The following HPSE2 variants were observed in gnomAD, a reference collection of about 807,000 sequenced individuals.
HPSE2 encodes the protein heparanase 2 (inactive).
HPSE2 carries 38 observed loss-of-function variants against 60.5 expected under a neutral mutation model. That is an observed-to-expected ratio of 0.63 (90% CI 0.48 to 0.82). The LOEUF is 0.82. HPSE2 is among the 40% of genes least tolerant of loss of function. The pLI is 0.00. For synonymous variants in HPSE2, 295 were observed against 293.2 expected (o/e 1.01, Z -0.06); for missense variants, 713 against 740.4 (o/e 0.96, Z 0.43).
intron 9 of HPSE2, among the ~76,000 whole-genome samples, chr10:98,503,467 A>C (rs1325492733): frequency 6.6e-6 from 1 of 152,192 alleles, no homozygotes; most frequent in Non-Finnish European, 1.5e-5. Flanking sequence ...GATTCTGTAA[A>C]GAACTAAAAG....
At chr10:99,301,446 T>C in the HPSE2 span, among the ~76,000 whole-genome samples, 1 of 152,208 alleles carries the variant, frequency 6.6e-6, no homozygotes. Context: ...GGGTATGTGC[T>C]TACTCCTGGG....
At chr10:99,221,790 C>T (rs7094333) in intron 2 of HPSE2, among the ~76,000 whole-genome samples, 139,542 of 152,160 alleles carry the variant, frequency 0.92, 64,232 homozygotes, top group East Asian at 1. Flanking sequence ...TAGGTTCCTA[C>T]AGGGAGGCGG....
At chr10:98,572,866 C>T (rs920127093) in intron 9 of HPSE2, among the ~76,000 whole-genome samples, 3 of 152,188 alleles carry the variant, frequency 2.0e-5, no homozygotes, top group African/African-American at 7.2e-5. Flanking sequence ...GTGGAGGGTT[C>T]TAAGAGAGTA....
intron 4 of HPSE2, among the ~76,000 whole-genome samples, chr10:98,731,643 C>CTGCTTATTTTTTGTATTTTTTTG (rs1949230778): frequency 6.6e-6 from 1 of 152,088 alleles, no homozygotes; most frequent in African/African-American, 2.4e-5. Context: ...TAAAGCGTAT[C>CTGCTTATTTTTTGTATTTTTTTG]TAAGAAAAAC....
intron 3 of HPSE2, among the ~76,000 whole-genome samples, chr10:98,759,928 A>G (rs1949967970): frequency 6.6e-6 from 1 of 151,970 alleles, no homozygotes; most frequent in Admixed American, 6.6e-5. Context: ...AAACATGGGT[A>G]TCTTCCCATT....
the HPSE2 span, among the ~76,000 whole-genome samples, chr10:99,312,356 T>C: frequency 6.6e-6 from 1 of 152,228 alleles, no homozygotes; most frequent in Non-Finnish European, 1.5e-5. Flanking sequence ...GACTCTCTTG[T>C]TAAGGGTTAA....
chr10:98,925,928 GT>G (rs889952555), intron 3 of HPSE2, among the ~76,000 whole-genome samples: 13 of 152,060 alleles, frequency 8.5e-5, no homozygotes, highest in African/African-American at 3.1e-4. Flanking sequence ...CCATCATGTT[GT>G]TCCTTGGGTT....
At chr10:99,028,908 G>A (rs1957437351) in intron 3 of HPSE2, among the ~76,000 whole-genome samples, 2 of 152,130 alleles carry the variant, frequency 1.3e-5, no homozygotes, top group Admixed American at 6.6e-5. Flanking sequence ...TCAATAAATG[G>A]TGCTGAGAAA....
At chr10:99,093,813 GA>G (rs1184299307) in intron 3 of HPSE2, among the ~76,000 whole-genome samples, 1 of 152,090 alleles carries the variant, frequency 6.6e-6, no homozygotes, top group African/African-American at 2.4e-5. Flanking sequence ...GGCATGTAGA[GA>G]AAAAAACTGC....
intron 3 of HPSE2, among the ~76,000 whole-genome samples, chr10:98,813,359 G>T (rs1341711258): frequency 1.3e-5 from 2 of 152,116 alleles, no homozygotes; most frequent in African/African-American, 4.8e-5. Flanking sequence ...AGGTAAGAAG[G>T]AGGATGTCTC....
At chr10:98,839,849 T>C (rs1218982814) in intron 3 of HPSE2, among the ~76,000 whole-genome samples, 1 of 152,006 alleles carries the variant, frequency 6.6e-6, no homozygotes, top group African/African-American at 2.4e-5. Flanking sequence ...TAGATTCAAA[T>C]GGAGGAGAGA....
rs775750488 is a variant in HPSE2 at position 98,496,440 on chromosome 10, G to C, written c.1321-6244C>G. On this transcript the variant is annotated intron_variant, in intron 9 of 11. Transcript: ENST00000370552. ...TTGGTCAGAAGCAGTAATCAGAGAT[G>C]AGAGTAGAGATCCTTGGTATTTAGA... Among the ~76,000 whole-genome samples, 3 of 152,198 alleles carry C rather than the reference G, an allele frequency of 2.0e-5. No homozygotes were observed. The South Asian group carries it at 6.2e-4, about 31-fold the overall frequency.
chr10:98,895,957 G>C (rs1041163442), intron 3 of HPSE2, among the ~76,000 whole-genome samples: 2 of 96,760 alleles, frequency 2.1e-5, no homozygotes, highest in African/African-American at 4.0e-5. Flanking sequence ...AGGGGGGAGG[G>C]ATAGCCTTAG....
intron 4 of HPSE2, among the ~76,000 whole-genome samples, chr10:98,739,321 G>C (rs900116935): frequency 1.3e-5 from 2 of 151,954 alleles, no homozygotes; most frequent in Non-Finnish European, 2.9e-5. Flanking sequence ...GTGGTCTGTC[G>C]TGGGGAGTGG....
rs72831958 is a variant in HPSE2 at position 98,636,034 on chromosome 10, G to A, written c.1098+5813C>T. On this transcript the variant is annotated intron_variant, in intron 7 of 11. Coordinates refer to ENST00000370552, the MANE Select transcript of HPSE2 (RefSeq NM_021828.5). Reference sequence around the variant, plus strand: ...TGGTTACTAAAAGCTAGGAAGGGTGGGGAGTGGAGATAGAAGAGGCTGGTG... The same window carrying A: ...TGGTTACTAAAAGCTAGGAAGGGTGAGGAGTGGAGATAGAAGAGGCTGGTG... 6.8e-3 allele frequency among the ~76,000 whole-genome samples: 1,038 copies of A among 152,160 alleles called. 8 individuals are homozygous for A. Among genetic ancestry groups the A allele is most frequent in the South Asian group, 0.027 (129 of 4,816 alleles).
intron 3 of HPSE2, among the ~76,000 whole-genome samples, chr10:99,109,151 T>C (rs773102785): frequency 6.6e-6 from 1 of 152,162 alleles, no homozygotes; most frequent in Non-Finnish European, 1.5e-5. Flanking sequence ...TATAACTGTT[T>C]TCCAATTGGG....
intron 5 of HPSE2, among the ~76,000 whole-genome samples, chr10:98,696,919 G>A (rs1948237375): frequency 6.6e-6 from 1 of 152,036 alleles, no homozygotes; most frequent in Admixed American, 6.6e-5. Flanking sequence ...CCTGACCACT[G>A]CAAGAAAAAC....
At chr10:98,714,066 T>C (rs1948736158) in intron 5 of HPSE2, among the ~76,000 whole-genome samples, 1 of 151,962 alleles carries the variant, frequency 6.6e-6, no homozygotes, top group Non-Finnish European at 1.5e-5. Context: ...TTTTGGGATC[T>C]GGCTGTCCTA....
In HPSE2 at chr10:99,217,645, G is replaced by A. The variant is rs1018967841; in HGVS notation, c.448+14703C>T. Among the ~76,000 whole-genome samples the A allele has an allele frequency of 5.7e-4, 86 of 152,178 alleles. 1 individual carries two copies. Among genetic ancestry groups the A allele is most frequent in the African/African-American group, 2.0e-3 (82 of 41,512 alleles). On this transcript the variant is annotated intron_variant, in intron 2 of 11. Transcript: ENST00000370552. ...ACAAATCTCTGTCATCCAGGCTGGA[G>A]TGCAGTGGGATGATTATGTCTCACT... is the stretch of plus-strand genomic sequence containing the variant.
Sources: gnomAD v4.1 joint callset for allele counts (sites outside exome capture counted in the v4.1 genomes callset) on GRCh38, gnomAD v4.1.1 for gene constraint, MANE v1.5 for transcripts, NCBI Gene and HGNC (gene_info 2026-07-23, HGNC 2026-07-21) for gene names.